The following CLIP1 variants were observed in gnomAD, a reference collection of about 807,000 sequenced individuals.
CLIP1 encodes CAP-Gly domain containing linker protein 1, also known as CAP-Gly domain-containing linker protein 1.
Under a neutral mutation model 161.6 loss-of-function variants are expected in CLIP1, and 66 were observed. That is an observed-to-expected ratio of 0.41 (90% CI 0.33 to 0.50). CLIP1 has a LOEUF of 0.50. Among genes scored for constraint, CLIP1 ranks in the 20% least tolerant of loss-of-function variants. The pLI, the probability that CLIP1 is intolerant of heterozygous loss-of-function variation, is 0.27. For missense variants in CLIP1, 1,376 were observed against 1,702.0 expected, an observed-to-expected ratio of 0.81 and a Z score of 3.37; for synonymous variants, 598 against 626.2, an observed-to-expected ratio of 0.96 and a Z score of 0.67.
chr12:122,315,409 T>C (rs1488716462), intron 19 of CLIP1, among the ~76,000 whole-genome samples: 1 of 152,126 alleles, frequency 6.6e-6, no homozygotes, highest in Non-Finnish European at 1.5e-5. Context: ...ATTAACAGAA[T>C]AGAAGACCAA....
intron 1 of CLIP1, among the ~76,000 whole-genome samples, chr12:122,382,923 T>C (rs1462293652): frequency 6.6e-6 from 1 of 152,150 alleles, no homozygotes; most frequent in South Asian, 2.1e-4. Context: ...GTAGTTCTGA[T>C]TCACAGTCAG....
At chr12:122,360,410 C>CAAAAAAA (rs34294939) in intron 5 of CLIP1, among the ~76,000 whole-genome samples, 1 of 87,364 alleles carries the variant, frequency 1.1e-5, no homozygotes. Context: ...CCTCTCTCTA[C>CAAAAAAA]AAAAAAAAAA....
At chr12:122,296,707 C>T (rs1950479744) in intron 20 of CLIP1, among the ~76,000 whole-genome samples, 1 of 151,630 alleles carries the variant, frequency 6.6e-6, no homozygotes, top group Non-Finnish European at 1.5e-5. Flanking sequence ...CTTCAAAACA[C>T]TCAGGGTAGA....
intron 20 of CLIP1, among the ~76,000 whole-genome samples, chr12:122,296,672 C>G (rs1044962347): frequency 6.6e-6 from 1 of 151,636 alleles, no homozygotes; most frequent in South Asian, 2.1e-4. Flanking sequence ...GATGAAATGA[C>G]AGGGTATCTA....
At chr12:122,407,679 GTTT>G (rs57963280) in intron 1 of CLIP1, among the ~76,000 whole-genome samples, 5 of 129,126 alleles carry the variant, frequency 3.9e-5, no homozygotes, top group South Asian at 4.9e-4. Context: ...GCCTGGATGA[GTTT>G]TTTTTTTTTC....
At position 122,377,480 on chromosome 12, in the gene CLIP1, G is replaced by C; in HGVS notation, c.566C>G (p.Thr189Arg). Residue 189 changes from threonine to arginine, a missense_variant, in exon 3 of 26, where the codon ACA (threonine) becomes AGA (arginine). Thr to Arg is a moderately conservative substitution (Grantham distance 71). This residue lies in a region of CLIP1 where 119 missense variants were observed against 112.0 expected (regional missense o/e 1.06). Transcript: ENST00000620786. ...GGAGATAGATTCACTGGCAGTTTTT[G>C]TAAGGTTGCTGATCGGAGGCGTAGC... ...PSATPPISNL[T>R]KTASESISNL... 3.1e-6 allele frequency: 5 copies of C among 1,614,116 alleles called. No homozygotes were observed. The highest frequency in any genetic ancestry group is 4.2e-6 in the Non-Finnish European group (5 of 1,180,030).
intron 2 of CLIP1, among the ~76,000 whole-genome samples, chr12:122,379,029 G>A (rs1954876446): frequency 6.6e-6 from 1 of 151,806 alleles, no homozygotes; most frequent in Non-Finnish European, 1.5e-5. Flanking sequence ...GGAGGCTGAG[G>A]CAGGAGAATC....
intron 1 of CLIP1, among the ~76,000 whole-genome samples, chr12:122,415,046 A>G (rs1386430628): frequency 2.0e-5 from 3 of 152,044 alleles, no homozygotes; most frequent in Non-Finnish European, 4.4e-5. Flanking sequence ...CGACGGAGTG[A>G]GACTCTGTCT....
chr12:122,297,237 C>T (rs967812666), intron 20 of CLIP1, among the ~76,000 whole-genome samples: 1 of 152,046 alleles, frequency 6.6e-6, no homozygotes, highest in Non-Finnish European at 1.5e-5. Context: ...CTGTCAGCTA[C>T]GCTAAGAAAA....
rs1017351797 is a variant in CLIP1 at position 122,279,222 on chromosome 12, C to T, written c.3648-77G>A. On this transcript the variant is annotated intron_variant, in intron 21 of 25. Transcript: ENST00000620786. The surrounding 1 kb of genome is among the most constrained non-coding windows in gnomAD (Gnocchi z 4.5). ...GTGTACAACTGTTCTAGAACAAACACATAATTAATGTTAGTTAATGTAAAA... is the reference window on the plus strand; with the variant it reads ...GTGTACAACTGTTCTAGAACAAACATATAATTAATGTTAGTTAATGTAAAA... 16 of 881,580 alleles carry T rather than the reference C, an allele frequency of 1.8e-5. No homozygotes were observed. The highest frequency in any genetic ancestry group is 2.7e-5 in the Non-Finnish European group (16 of 588,484). The allele number at this position is 881,580 out of a possible 1,614,324, so 54.6% of individuals were successfully genotyped here.
intron 1 of CLIP1, among the ~76,000 whole-genome samples, chr12:122,408,229 C>CAAAAA (rs1259000241): frequency 1.7e-5 from 1 of 57,460 alleles, no homozygotes; most frequent in African/African-American, 6.3e-5. Flanking sequence ...TACTCCGTCT[C>CAAAAA]AAAAAAAAAA....
chr12:122,316,368 C>T (rs1951271069), intron 19 of CLIP1, among the ~76,000 whole-genome samples: 1 of 152,034 alleles, frequency 6.6e-6, no homozygotes, highest in Admixed American at 6.6e-5. Context: ...CACCACCATA[C>T]CCAACTAATT....
chr12:122,276,382 C>CAACACACACACACA, intron 24 of CLIP1: 1 of 1,160,594 alleles, frequency 8.6e-7, no homozygotes, highest in South Asian at 1.4e-5. Flanking sequence ...TAGTGGGAAA[C>CAACACACACACACA]CACACACACA....
At chr12:122,307,665 T>C (rs1950922851) in intron 20 of CLIP1, among the ~76,000 whole-genome samples, 1 of 152,218 alleles carries the variant, frequency 6.6e-6, no homozygotes, top group Non-Finnish European at 1.5e-5. Context: ...AGTGAAATTT[T>C]ATAGAATTCT....
intron 21 of CLIP1, among the ~76,000 whole-genome samples, chr12:122,287,229 C>T (rs753469536): frequency 6.6e-6 from 1 of 152,070 alleles, no homozygotes. Flanking sequence ...CAAGGCCTAA[C>T]GTCCTTTAGA....
chr12:122,382,326 A>G (rs1217157990), intron 1 of CLIP1, among the ~76,000 whole-genome samples: 1 of 148,286 alleles, frequency 6.7e-6, no homozygotes, highest in Non-Finnish European at 1.5e-5. Flanking sequence ...GTGCCATTGC[A>G]CTCCCGCCTG....
Position 122,377,621 on chromosome 12 carries a change from G to A in CLIP1, c.425C>T (p.Ala142Val), listed in dbSNP as rs138030919. 2,159 of 1,613,854 alleles carry A rather than the reference G, an allele frequency of 1.3e-3. 2 individuals carry two copies. The highest frequency in any genetic ancestry group is 1.7e-3 in the Non-Finnish European group (2,028 of 1,179,980). Residue 142 changes from alanine (A) to valine (V), a missense_variant, in exon 3 of 26, where the codon GCC becomes GTC. By Grantham distance (64) the Ala-to-Val change is moderately conservative. Coordinates refer to ENST00000620786, the MANE Select transcript of CLIP1 (RefSeq NM_001247997.2). Reference sequence around the variant, plus strand: ...GCACAGCGGTGAAGTAGCTCGGGAGGCGGGCGTTGTCTGCAGGCCATTAGC... The same window carrying A: ...GCACAGCGGTGAAGTAGCTCGGGAGACGGGCGTTGTCTGCAGGCCATTAGC... ...DEANGLQTTP[A>V]SRATSPLCTS...
intron 2 of CLIP1, among the ~76,000 whole-genome samples, chr12:122,379,943 T>TAAAAAAAAAAAAAAAAA (rs1566198620): frequency 0.013 from 935 of 70,158 alleles, 79 homozygotes; most frequent in African/African-American, 0.045. Flanking sequence ...GACTCCATCT[T>TAAAAAAAAAAAAAAAAA]TAAAAAAAAA....
rs78676307 is a variant in CLIP1 at position 122,278,196 on chromosome 12, T to C, written c.3924A>G (p.Thr1308=). 1,009 of 1,598,150 alleles carry C rather than the reference T, an allele frequency of 6.3e-4. 10 individuals carry two copies. The East Asian group carries it at 0.013, about 21-fold the overall frequency. Residue 1308 remains threonine, a synonymous_variant, in exon 24 of 26, where the codon ACA becomes ACG. Coordinates refer to ENST00000620786, the MANE Select transcript of CLIP1 (RefSeq NM_001247997.2). ...KRQLSSSSGN[T]DTQADEDERA... is the part of the protein sequence containing the mutation. ...TTTCATCCTCGTCTGCCTGAGTGTC[T>C]GTATTACCTTATATTTGAGGAAAAA...
Sources: allele counts gnomAD v4.1 joint callset (sites outside exome capture counted in the v4.1 genomes callset), GRCh38; gene constraint gnomAD v4.1.1; regional missense constraint gnomAD v4.1.1; non-coding constraint Gnocchi (gnomAD v3.1); transcripts MANE v1.5; gene names NCBI Gene and HGNC (gene_info 2026-07-23, HGNC 2026-07-21).